The following C9orf85 variants were observed in gnomAD, a reference collection of about 807,000 sequenced individuals.
C9orf85 encodes uncharacterized protein C9orf85.
A neutral mutation model predicts 14.9 loss-of-function variants in C9orf85; 16 were observed. The observed-to-expected ratio is 1.08, with a 90% confidence interval of 0.73 to 1.63. The LOEUF (loss-of-function observed/expected upper bound fraction) is 1.63. Ranked by LOEUF, C9orf85 falls within the 40% of genes most tolerant of loss-of-function variation. C9orf85 has a pLI of 0.00. For missense variants in C9orf85, 172 were observed against 186.1 expected (o/e 0.92, Z 0.44); for synonymous variants, 45 against 56.8 (o/e 0.79, Z 0.93).
intron 1 of C9orf85, among the ~76,000 whole-genome samples, chr9:71,930,086 A>C (rs189711902): frequency 2.2e-4 from 33 of 151,934 alleles, no homozygotes; most frequent in African/African-American, 7.5e-4. Context: ...TTTGAATAAA[A>C]ATTATTTAGT....
At chr9:71,966,979 C>T (rs1340421261) in intron 2 of C9orf85, among the ~76,000 whole-genome samples, 2 of 152,204 alleles carry the variant, frequency 1.3e-5, no homozygotes, top group African/African-American at 4.8e-5. Context: ...GACAGCTTTG[C>T]TGGCCGTTTG....
chr9:71,945,517 ATGG>A (rs1188536107), intron 1 of C9orf85, among the ~76,000 whole-genome samples: 1 of 152,232 alleles, frequency 6.6e-6, no homozygotes, highest in Non-Finnish European at 1.5e-5. Flanking sequence ...ACACTTCCTG[ATGG>A]TGAAGATTCC....
At chr9:71,965,160 G>T (rs1350665823) in intron 2 of C9orf85, among the ~76,000 whole-genome samples, 1 of 152,214 alleles carries the variant, frequency 6.6e-6, no homozygotes, top group African/African-American at 2.4e-5. Context: ...AAAGGTAGGG[G>T]ACCCAAAGAG....
intron 2 of C9orf85, among the ~76,000 whole-genome samples, chr9:71,965,360 G>A (rs909341600): frequency 1.3e-5 from 2 of 152,140 alleles, no homozygotes; most frequent in Admixed American, 1.3e-4. Context: ...TTTAAAGGTG[G>A]ATGCGGTCAC....
downstream of C9orf85, among the ~76,000 whole-genome samples, chr9:71,976,639 GAC>G (rs1823003983): frequency 6.7e-6 from 1 of 148,820 alleles, no homozygotes; most frequent in Non-Finnish European, 1.5e-5. Flanking sequence ...TCCAGCCTGG[GAC>G]ACAGAGCGAG....
At chr9:71,953,685 A>G (rs138815058) in intron 2 of C9orf85, among the ~76,000 whole-genome samples, 2 of 152,182 alleles carry the variant, frequency 1.3e-5, no homozygotes, top group Non-Finnish European at 2.9e-5. Flanking sequence ...TTACCTATTC[A>G]TACTTCATTG....
intron 1 of C9orf85, among the ~76,000 whole-genome samples, chr9:71,922,468 T>C (rs866310205): frequency 2.0e-5 from 3 of 152,218 alleles, no homozygotes; most frequent in Non-Finnish European, 2.9e-5. Context: ...CTGGGAGCAC[T>C]GTTTCCCTGT....
At chr9:71,947,978 A>G (rs1017223186) in intron 2 of C9orf85, among the ~76,000 whole-genome samples, 9 of 152,180 alleles carry the variant, frequency 5.9e-5, no homozygotes, top group African/African-American at 2.2e-4. Context: ...GTTCTCTTAT[A>G]TCAGCCTTCT....
chr9:71,979,893 T>C (rs1285508931), intron 3 of C9orf85, among the ~76,000 whole-genome samples: 1 of 152,210 alleles, frequency 6.6e-6, no homozygotes, highest in Non-Finnish European at 1.5e-5. Flanking sequence ...AAATTCTAAA[T>C]TTGCATTTTA....
chr9:71,953,494 A>G (rs1822299023), intron 2 of C9orf85, among the ~76,000 whole-genome samples: 1 of 152,160 alleles, frequency 6.6e-6, no homozygotes, highest in East Asian at 1.9e-4. Flanking sequence ...ATTACTCTAG[A>G]GATGTCTGGC....
At chr9:71,928,436 T>C (rs1376479073) in intron 1 of C9orf85, among the ~76,000 whole-genome samples, 2 of 152,194 alleles carry the variant, frequency 1.3e-5, no homozygotes, top group African/African-American at 4.8e-5. Context: ...TTCTGAATCT[T>C]TGAGATGCTT....
intron 1 of C9orf85, among the ~76,000 whole-genome samples, chr9:71,933,756 A>T (rs1162509601): frequency 6.6e-6 from 1 of 152,230 alleles, no homozygotes; most frequent in Non-Finnish European, 1.5e-5. Flanking sequence ...GCTGGCGCAT[A>T]GACCTCAGAT....
intron 1 of C9orf85, among the ~76,000 whole-genome samples, chr9:71,926,235 A>G (rs1827926627): frequency 6.6e-6 from 1 of 152,158 alleles, no homozygotes; most frequent in Non-Finnish European, 1.5e-5. Context: ...TGTCCATTAG[A>G]CCTTTCTGTG....
intron 2 of C9orf85, among the ~76,000 whole-genome samples, chr9:71,959,564 G>C (rs1436836343): frequency 6.6e-6 from 1 of 152,188 alleles, no homozygotes; most frequent in African/African-American, 2.4e-5. Flanking sequence ...CTAGTAAACA[G>C]TATACTCAAA....
chr9:71,944,704 C>T (rs1822036672), intron 1 of C9orf85, among the ~76,000 whole-genome samples: 1 of 152,146 alleles, frequency 6.6e-6, no homozygotes, highest in Non-Finnish European at 1.5e-5. Flanking sequence ...GAATTCACTT[C>T]TGTTTTGCCA....
At chr9:71,925,235 T>C (rs1827902441) in intron 1 of C9orf85, among the ~76,000 whole-genome samples, 1 of 152,180 alleles carries the variant, frequency 6.6e-6, no homozygotes, top group Non-Finnish European at 1.5e-5. Context: ...ATTTTCCTTT[T>C]CTTGGCTGGG....
intron 3 of C9orf85, among the ~76,000 whole-genome samples, chr9:71,972,224 T>C (rs1044494042): frequency 2.0e-5 from 3 of 152,130 alleles, no homozygotes; most frequent in African/African-American, 7.2e-5. Flanking sequence ...TTAGTGACAA[T>C]AGTATTATAA....
intron 2 of C9orf85, among the ~76,000 whole-genome samples, chr9:71,950,140 C>T (rs1048130227): frequency 6.6e-6 from 1 of 152,194 alleles, no homozygotes; most frequent in Non-Finnish European, 1.5e-5. Flanking sequence ...AGCTTTCAAA[C>T]TCCAATCCAG....
At chr9:71,913,166 G>A (rs570896920) in intron 1 of C9orf85, among the ~76,000 whole-genome samples, 3 of 152,164 alleles carry the variant, frequency 2.0e-5, no homozygotes, top group Non-Finnish European at 4.4e-5. Flanking sequence ...AATGGCCTAG[G>A]TCATAGTAAG....
Sources: gnomAD v4.1 joint callset for allele counts (sites outside exome capture counted in the v4.1 genomes callset) on GRCh38, gnomAD v4.1.1 for gene constraint, MANE v1.5 for transcripts, NCBI Gene and HGNC (gene_info 2026-07-23, HGNC 2026-07-21) for gene names.